The following PPP2R2B variants were observed in gnomAD, a reference collection of about 807,000 sequenced individuals.
PPP2R2B encodes the protein protein phosphatase 2 regulatory subunit Bbeta, also known as serine/threonine-protein phosphatase 2A 55 kDa regulatory subunit B beta isoform.
Under a neutral mutation model 46.0 loss-of-function variants are expected in PPP2R2B, and 5 were observed. That is an observed-to-expected ratio of 0.11 (90% CI 0.06 to 0.23). The LOEUF (loss-of-function observed/expected upper bound fraction) is 0.23. PPP2R2B is among the 10% of genes least tolerant of loss of function. The pLI, the probability that PPP2R2B is intolerant of heterozygous loss-of-function variation, is 1.00. For synonymous variants in PPP2R2B, 215 were observed against 206.7 expected (o/e 1.04, Z -0.34); for missense variants, 367 against 575.0 (o/e 0.64, Z 3.70).
In PPP2R2B at chr5:146,954,756, A is replaced by ATGTGTGTGTGTGTG. The variant is rs149370877; in HGVS notation, c.79+100895_79+100908dup. ...TATACATATATGAATATGTGTATAT[A>ATGTGTGTGTGTGTG]TGTGTGTGTGTGTGTGTGTGTGTGT... On this transcript the variant is annotated intron_variant, in intron 1 of 8. Transcript: ENST00000336640. 4.6e-3 allele frequency among the ~76,000 whole-genome samples: 678 copies of ATGTGTGTGTGTGTG among 146,742 alleles called. 5 individuals carry two copies. The highest frequency in any genetic ancestry group is 0.016 in the African/African-American group (646 of 39,910).
intron 2 of PPP2R2B, chr5:146,707,318 TGAA>T: frequency 9.0e-7 from 1 of 1,115,780 alleles, no homozygotes; most frequent in Non-Finnish European, 1.4e-6. Context: ...AACTTGTTGT[TGAA>T]GGTCTTGATC....
At chr5:146,778,947 G>C (rs1385351745) in intron 2 of PPP2R2B, among the ~76,000 whole-genome samples, 1 of 152,192 alleles carries the variant, frequency 6.6e-6, no homozygotes, top group African/African-American at 2.4e-5. Flanking sequence ...CTTCAGAACA[G>C]CTGCCAGCTG....
At chr5:147,054,308 T>G (rs1189444339) in intron 1 of PPP2R2B, among the ~76,000 whole-genome samples, 1 of 152,142 alleles carries the variant, frequency 6.6e-6, no homozygotes, top group Non-Finnish European at 1.5e-5. Flanking sequence ...TGGCTTTAGA[T>G]CTTTAGTATT....
At chr5:146,900,797 C>A (rs1762810152) in intron 1 of PPP2R2B, among the ~76,000 whole-genome samples, 1 of 151,576 alleles carries the variant, frequency 6.6e-6, no homozygotes, top group African/African-American at 2.4e-5. Context: ...CGTGCCCCAT[C>A]CCCATGCACT....
intron 1 of PPP2R2B, among the ~76,000 whole-genome samples, chr5:146,942,624 A>T (rs1180629418): frequency 6.6e-6 from 1 of 152,218 alleles, no homozygotes; most frequent in African/African-American, 2.4e-5. Context: ...GAGTAACTCC[A>T]TTCCCACCAA....
At position 147,006,747 on chromosome 5, in the gene PPP2R2B, A is replaced by G. The variant is rs533100400; in HGVS notation, c.79+48918T>C. 2.6e-5 allele frequency among the ~76,000 whole-genome samples: 4 copies of G among 152,276 alleles called. No individual in the cohort carries two copies. The South Asian group carries it at 8.3e-4, about 32-fold the overall frequency. On this transcript the variant is annotated intron_variant, in intron 1 of 8. Transcript: ENST00000336640. Reference sequence around the variant, plus strand: ...GCCTAGTCCTCCTCACTGCTGAGAAAAGAGGACTCTGCACCTTCTTAGGGG... The same window carrying G: ...GCCTAGTCCTCCTCACTGCTGAGAAGAGAGGACTCTGCACCTTCTTAGGGG...
chr5:146,902,112 C>T (rs932295698), intron 1 of PPP2R2B, among the ~76,000 whole-genome samples: 1 of 152,166 alleles, frequency 6.6e-6, no homozygotes, highest in Non-Finnish European at 1.5e-5. Context: ...CATGTGCACA[C>T]TCCACTGGCA....
chr5:146,868,653 C>T (rs769335086), intron 2 of PPP2R2B, among the ~76,000 whole-genome samples: 5 of 85,162 alleles, frequency 5.9e-5, no homozygotes, highest in Non-Finnish European at 1.1e-4. Context: ...TAACTGCTTA[C>T]GATACTGCAT....
chr5:146,628,809 C>A (rs183586153), intron 7 of PPP2R2B, among the ~76,000 whole-genome samples: 2 of 152,306 alleles, frequency 1.3e-5, no homozygotes, highest in African/African-American at 4.8e-5. Flanking sequence ...AGCCCACATC[C>A]CATGATCACT....
chr5:146,643,280 C>T (rs1775347376), intron 6 of PPP2R2B, among the ~76,000 whole-genome samples: 1 of 152,112 alleles, frequency 6.6e-6, no homozygotes, highest in Non-Finnish European at 1.5e-5. Flanking sequence ...AATCTATACC[C>T]TGCCAGTACT....
chr5:146,936,070 T>G (rs1764129407), intron 1 of PPP2R2B, among the ~76,000 whole-genome samples: 1 of 152,166 alleles, frequency 6.6e-6, no homozygotes, highest in South Asian at 2.1e-4. Context: ...TACAGTCAAA[T>G]AGAATGGCAT....
chr5:147,000,708 T>C (rs1187373450), intron 1 of PPP2R2B, among the ~76,000 whole-genome samples: 1 of 119,074 alleles, frequency 8.4e-6, no homozygotes, highest in East Asian at 2.9e-4. Context: ...ACCAACCTAA[T>C]ACTTACTGAT....
intron 2 of PPP2R2B, among the ~76,000 whole-genome samples, chr5:146,876,323 C>T (rs1761895477): frequency 6.6e-6 from 1 of 152,198 alleles, no homozygotes; most frequent in South Asian, 2.1e-4. Context: ...ACAATTGACA[C>T]TCCTGTACAC....
intron 2 of PPP2R2B, among the ~76,000 whole-genome samples, chr5:146,788,231 C>T (rs1561907468): frequency 6.6e-6 from 1 of 151,616 alleles, no homozygotes. Context: ...TATTAGACTC[C>T]AAAAAATATA....
chr5:146,936,791 T>C (rs768085043), intron 1 of PPP2R2B, among the ~76,000 whole-genome samples: 5 of 151,942 alleles, frequency 3.3e-5, no homozygotes, highest in Non-Finnish European at 7.4e-5. Context: ...CTGGGGATCA[T>C]AGAAATAAAA....
rs935495802 is a variant in PPP2R2B at position 146,651,927 on chromosome 5, T to C, written c.448-1203A>G. Among the ~76,000 whole-genome samples, 107 of 152,176 alleles carry C rather than the reference T, an allele frequency of 7.0e-4. 1 individual carries two copies. The highest frequency in any genetic ancestry group is 2.3e-3 in the African/African-American group (97 of 41,456). On this transcript the variant is annotated intron_variant, in intron 5 of 9. Transcript: ENST00000394411. The stretch of plus-strand genomic sequence containing the variant: ...CAGACTTGAGGGACTTTAACTCACC[T>C]ATGCGGGAGTTTTTAAATCAAATCA...
intron 1 of PPP2R2B, among the ~76,000 whole-genome samples, chr5:146,894,615 T>C (rs319178): frequency 6.6e-6 from 1 of 151,868 alleles, no homozygotes; most frequent in South Asian, 2.1e-4. Flanking sequence ...AATTTTTGTG[T>C]TTTTAGTAGA....
chr5:146,664,727 G>T (rs1291177174), intron 5 of PPP2R2B, among the ~76,000 whole-genome samples: 2 of 152,090 alleles, frequency 1.3e-5, no homozygotes, highest in Non-Finnish European at 2.9e-5. Flanking sequence ...AATTTACTTT[G>T]TTCAGATCCA....
At chr5:146,909,778 G>C (rs1195657973) in intron 1 of PPP2R2B, among the ~76,000 whole-genome samples, 9 of 152,074 alleles carry the variant, frequency 5.9e-5, no homozygotes. Context: ...AGATTTAAGA[G>C]TCCCCAAGCT....
Sources: allele counts gnomAD v4.1 joint callset (sites outside exome capture counted in the v4.1 genomes callset), GRCh38; gene constraint gnomAD v4.1.1; transcripts MANE v1.5; gene names NCBI Gene and HGNC (gene_info 2026-07-23, HGNC 2026-07-21).